The following ZRANB1 variants were observed in gnomAD, a reference collection of about 807,000 sequenced individuals.
ZRANB1 encodes the protein zinc finger RANBP2-type containing 1.
In ZRANB1, 16 loss-of-function variants were observed where a neutral mutation model predicts 80.5. That is an observed-to-expected ratio of 0.20 (90% CI 0.13 to 0.30). The LOEUF is 0.30. Among genes scored for constraint, ZRANB1 ranks in the 10% least tolerant of loss-of-function variants. ZRANB1 has a pLI of 1.00. For missense variants in ZRANB1, 576 were observed against 862.6 expected (o/e 0.67, Z 4.16); for synonymous variants, 291 against 293.1 (o/e 0.99, Z 0.07).
At chr10:124,923,987 C>T in the ZRANB1 span, among the ~76,000 whole-genome samples, 1 of 149,982 alleles carries the variant, frequency 6.7e-6, no homozygotes, top group Non-Finnish European at 1.5e-5. Flanking sequence ...ATATTGAGGG[C>T]AAACTGTCCC....
intron 1 of ZRANB1, among the ~76,000 whole-genome samples, chr10:124,963,550 G>GTTTTTTTTTTTTTT (rs1564962032): frequency 1.3e-4 from 10 of 75,144 alleles, no homozygotes; most frequent in East Asian, 7.9e-4. Context: ...TTTTTTTTTT[G>GTTTTTTTTTTTTTT]TTTGTTTTTT....
chr10:124,951,624 A>G (rs1018087410), intron 1 of ZRANB1, among the ~76,000 whole-genome samples: 2 of 152,148 alleles, frequency 1.3e-5, no homozygotes, highest in Non-Finnish European at 2.9e-5. Context: ...TATTTTATTG[A>G]TGACTTACCT....
intron 1 of ZRANB1, among the ~76,000 whole-genome samples, chr10:124,954,390 C>T (rs1422234343): frequency 4.7e-5 from 7 of 149,870 alleles, no homozygotes; most frequent in African/African-American, 1.7e-4. Context: ...TCTAATTGCC[C>T]TTTTATTAAA....
In ZRANB1 at chr10:124,967,045, A is replaced by G. The variant is rs181295971; in HGVS notation, c.1002+264A>G. Among the ~76,000 whole-genome samples the G allele has an allele frequency of 2.0e-5, 3 of 152,330 alleles. No individual in the cohort carries two copies. In the East Asian group the frequency reaches 5.8e-4, roughly 29 times the overall value. On this transcript the variant is annotated intron_variant, in intron 2 of 8. Coordinates refer to ENST00000359653, the MANE Select transcript of ZRANB1 (RefSeq NM_017580.3). ...GTATCTGTCATTCTTTAGTCATTCA[A>G]TTAACAGATATTTATTGTGCATTTA...
Position 124,974,189 on chromosome 10 carries a change from C to T in ZRANB1, c.1229-11C>T, listed in dbSNP as rs770389510. 12 of 1,613,492 alleles carry T rather than the reference C, an allele frequency of 7.4e-6. No homozygotes were observed. Among genetic ancestry groups the T allele is most frequent in the East Asian group, 2.2e-5 (1 of 44,898 alleles). ...TATGGAAATGAACATGTATTTAAAT[C>T]CATCGTACAGAATTAGAAGAAGAAT... On this transcript the variant is annotated splice_polypyrimidine_tract_variant and intron_variant, in intron 4 of 8. Transcript: ENST00000359653.
the ZRANB1 span, among the ~76,000 whole-genome samples, chr10:124,931,191 T>G: frequency 7.0e-4 from 107 of 152,164 alleles, no homozygotes; most frequent in African/African-American, 2.5e-3. Context: ...TCCTCTCACC[T>G]CAGCCTAGCT....
At chr10:124,981,120 TAGAC>T (rs1176663443) in intron 5 of ZRANB1, among the ~76,000 whole-genome samples, 1 of 152,228 alleles carries the variant, frequency 6.6e-6, no homozygotes, top group Non-Finnish European at 1.5e-5. Context: ...TTATATTTGA[TAGAC>T]AAAGAATCGA....
chr10:124,922,656 C>A, the ZRANB1 span, among the ~76,000 whole-genome samples: 1 of 150,566 alleles, frequency 6.6e-6, no homozygotes. Flanking sequence ...CCATGCCCAG[C>A]TCATTTTTTT....
At chr10:124,946,842 G>A (rs556520956) in intron 1 of ZRANB1, among the ~76,000 whole-genome samples, 7 of 152,188 alleles carry the variant, frequency 4.6e-5, no homozygotes, top group South Asian at 4.1e-4. Flanking sequence ...TAATCTTTAC[G>A]TCCCTTTTCT....
intron 3 of ZRANB1, among the ~76,000 whole-genome samples, chr10:124,972,727 T>A (rs1951837566): frequency 1.3e-5 from 2 of 152,156 alleles, no homozygotes; most frequent in South Asian, 4.1e-4. Context: ...ACACCAAACG[T>A]TTCTAAAATC....
chr10:124,983,898 T>C lies in ZRANB1; in HGVS notation c.1908+210T>C, dbSNP rs1385046630. Among the ~76,000 whole-genome samples, 1 of 152,178 alleles carries C rather than the reference T, an allele frequency of 6.6e-6. No homozygotes were observed. Among genetic ancestry groups the C allele is most frequent in the Non-Finnish European group, 1.5e-5 (1 of 68,046 alleles). On this transcript the variant is annotated intron_variant, in intron 8 of 8. Coordinates refer to ENST00000359653, the MANE Select transcript of ZRANB1 (RefSeq NM_017580.3). The surrounding 1 kb of genome is among the most constrained non-coding windows in gnomAD (Gnocchi z 6.2). ...CAAGGAACTTAAGGTGGTGATGGGT[T>C]TTAAGAAGAAAAAGTAAAGATGAGG...
At chr10:124,976,232 T>TAA (rs1359019448) in intron 5 of ZRANB1, among the ~76,000 whole-genome samples, 4 of 152,166 alleles carry the variant, frequency 2.6e-5, no homozygotes, top group Non-Finnish European at 5.9e-5. Context: ...TCGGGCTGGG[T>TAA]AAGCCTGATG....
intron 1 of ZRANB1, among the ~76,000 whole-genome samples, chr10:124,958,077 A>G (rs1951701496): frequency 6.6e-6 from 1 of 152,220 alleles, no homozygotes; most frequent in African/African-American, 2.4e-5. Context: ...TTGTATGTGT[A>G]TACCACATTT....
chr10:124,983,390 G>C lies in ZRANB1; in HGVS notation c.1679-69G>C. 6.3e-7 allele frequency: 1 copy of C among 1,592,634 alleles called. No homozygotes were observed. The highest frequency in any genetic ancestry group is 8.6e-7 in the Non-Finnish European group (1 of 1,166,764). On this transcript the variant is annotated intron_variant, in intron 7 of 8. Coordinates refer to ENST00000359653, the MANE Select transcript of ZRANB1 (RefSeq NM_017580.3). The surrounding 1 kb of genome is among the most constrained non-coding windows in gnomAD (Gnocchi z 6.2). ...GAAGGAGCAGTGGACAGGGGAATGT[G>C]AACAAGGGCAGTGAGGGAGTGGCTC...
At chr10:124,953,469 C>T (rs780679024) in intron 1 of ZRANB1, among the ~76,000 whole-genome samples, 1 of 152,194 alleles carries the variant, frequency 6.6e-6, no homozygotes, top group Non-Finnish European at 1.5e-5. Context: ...TTAATGTTTT[C>T]AGCCCTGCCT....
At chr10:124,959,118 C>G (rs954133011) in intron 1 of ZRANB1, among the ~76,000 whole-genome samples, 1 of 152,156 alleles carries the variant, frequency 6.6e-6, no homozygotes. Context: ...TAGAATTTAG[C>G]AAGCCAGGAT....
Position 124,986,686 on chromosome 10 carries a change from A to AATC in ZRANB1, c.*1696_*1698dup, listed in dbSNP as rs1952052770. ...TTTGCTTTCATTTTGGCCAATAAGT[A>AATC]ATCAAGTTTGTAGAAAATGTTAGCA... On this transcript the variant is annotated 3_prime_UTR_variant, in exon 9 of 9. Coordinates refer to ENST00000359653, the MANE Select transcript of ZRANB1 (RefSeq NM_017580.3). 1 of 152,202 alleles carries AATC rather than the reference A, an allele frequency of 6.6e-6. No homozygotes were observed. The highest frequency in any genetic ancestry group is 2.4e-5 in the African/African-American group (1 of 41,438). 9.4% of individuals were successfully genotyped at this position (152,202 alleles called of 1,614,324 possible).
chr10:124,920,461 C>T, the ZRANB1 span, among the ~76,000 whole-genome samples: 3 of 152,172 alleles, frequency 2.0e-5, no homozygotes, highest in Non-Finnish European at 1.5e-5. Context: ...GTTCAAGCTT[C>T]TTGGTGTGGT....
upstream of ZRANB1, chr10:124,940,615 G>A: frequency 1.9e-6 from 2 of 1,055,558 alleles, no homozygotes; most frequent in South Asian, 1.3e-5. Context: ...TTTCTTCTTA[G>A]CAGAGTTCAC....
Sources: allele counts gnomAD v4.1 joint callset (sites outside exome capture counted in the v4.1 genomes callset), GRCh38; gene constraint gnomAD v4.1.1; non-coding constraint Gnocchi (gnomAD v3.1); transcripts MANE v1.5; gene names NCBI Gene and HGNC (gene_info 2026-07-23, HGNC 2026-07-21).